NAV3: variants seen among roughly 807,000 people sequenced by gnomAD.
NAV3 encodes pore membrane and/or filament interacting like protein 1.
A neutral mutation model predicts 244.7 loss-of-function variants in NAV3; 87 were observed. That is an observed-to-expected ratio of 0.36 (90% CI 0.30 to 0.42). The LOEUF is 0.42. Among genes scored for constraint, NAV3 ranks in the 20% least tolerant of loss-of-function variants. The pLI is 1.00. For missense variants in NAV3, 2,663 were observed against 2,893.3 expected, an observed-to-expected ratio of 0.92 and a Z score of 1.83; for synonymous variants, 1,126 against 1,042.2, an observed-to-expected ratio of 1.08 and a Z score of -1.55.
At chr12:77,848,937 G>A (rs2136228448) in intron 1 of NAV3, among the ~76,000 whole-genome samples, 1 of 152,202 alleles carries the variant, frequency 6.6e-6, no homozygotes, top group African/African-American at 2.4e-5. Flanking sequence ...AGAGATATGT[G>A]CTGTGTTTAC....
intron 5 of NAV3, among the ~76,000 whole-genome samples, chr12:77,979,480 C>A (rs1184737431): frequency 1.3e-5 from 2 of 151,880 alleles, no homozygotes; most frequent in African/African-American, 2.4e-5. Flanking sequence ...GTAGCCAAGT[C>A]TACATGGAAA....
intron 1 of NAV3, among the ~76,000 whole-genome samples, chr12:77,869,278 C>T (rs1051700905): frequency 1.3e-5 from 2 of 152,038 alleles, no homozygotes; most frequent in Non-Finnish European, 2.9e-5. Flanking sequence ...ATAAAGTTCT[C>T]GAGAGATAGT....
chr12:78,160,452 T>A (rs1434459160), intron 23 of NAV3, among the ~76,000 whole-genome samples: 1 of 149,834 alleles, frequency 6.7e-6, no homozygotes, highest in Non-Finnish European at 1.5e-5. Flanking sequence ...GCATAAATGA[T>A]CAGGTGTCCA....
chr12:77,649,762 T>G (rs187965059), intron 2 of NAV3, among the ~76,000 whole-genome samples: 1 of 152,314 alleles, frequency 6.6e-6, no homozygotes, highest in East Asian at 1.9e-4. Flanking sequence ...ATATTTTTTA[T>G]GACAAAAGAT....
At chr12:77,804,994 G>A (rs574345753) in intron 2 of NAV3, among the ~76,000 whole-genome samples, 66 of 152,238 alleles carry the variant, frequency 4.3e-4, no homozygotes, top group African/African-American at 1.4e-3. Context: ...GTATAGAAAC[G>A]CTTCTGATTT....
At chr12:77,904,242 G>C (rs933592860) in intron 1 of NAV3, among the ~76,000 whole-genome samples, 2 of 152,110 alleles carry the variant, frequency 1.3e-5, no homozygotes, top group East Asian at 1.9e-4. Context: ...TTGGAACCAA[G>C]CCAAATGTCC....
chr12:77,869,162 G>T (rs1880561954), intron 1 of NAV3, among the ~76,000 whole-genome samples: 1 of 152,140 alleles, frequency 6.6e-6, no homozygotes, highest in South Asian at 2.1e-4. Context: ...TATAGGCAGG[G>T]CTGATTCAGT....
intron 1 of NAV3, among the ~76,000 whole-genome samples, chr12:77,904,345 G>C (rs1449509536): frequency 2.0e-5 from 3 of 152,022 alleles, no homozygotes; most frequent in Non-Finnish European, 4.4e-5. Flanking sequence ...TCCTTTGTAG[G>C]GACATGGATG....
chr12:78,061,070 C>CCAG lies in NAV3; in HGVS notation c.2636+1975_2636+1977dup, dbSNP rs575608692. On this transcript the variant is annotated intron_variant, in intron 12 of 39. Coordinates refer to ENST00000397909, the MANE Select transcript of NAV3 (RefSeq NM_001024383.2). ...TGCCTCTTAAAGTGTGGTACCTGGA[C>CCAG]CAGCAGCAGCAGCAGCAGCAGCCAT... 3.6e-3 allele frequency among the ~76,000 whole-genome samples: 550 copies of CCAG among 151,880 alleles called. 4 individuals carry two copies. The highest frequency in any genetic ancestry group is 0.012 in the African/African-American group (516 of 41,484).
At chr12:77,689,096 A>G (rs763246905) in intron 2 of NAV3, among the ~76,000 whole-genome samples, 5 of 151,940 alleles carry the variant, frequency 3.3e-5, no homozygotes, top group Non-Finnish European at 7.4e-5. Flanking sequence ...GATTTTATCA[A>G]TAGGACCAAA....
chr12:77,861,875 T>C (rs1230850169), intron 1 of NAV3, among the ~76,000 whole-genome samples: 1 of 151,888 alleles, frequency 6.6e-6, no homozygotes, highest in Non-Finnish European at 1.5e-5. Flanking sequence ...GAATAGTCCC[T>C]ACTCCGCAAT....
chr12:77,811,119 C>G (rs964862640), intron 2 of NAV3, among the ~76,000 whole-genome samples: 1 of 152,144 alleles, frequency 6.6e-6, no homozygotes, highest in Non-Finnish European at 1.5e-5. Flanking sequence ...TACTAAAATA[C>G]AAATTCTAAA....
rs139822029 is a variant in NAV3 at position 77,684,846 on chromosome 12, T to C, written c.72+112580T>C. ...AAATTTTTGCATATGGCCTGAGGTATAAATCATGGTTCCGTTTTTTTCCAT... is the reference window on the plus strand; with the variant it reads ...AAATTTTTGCATATGGCCTGAGGTACAAATCATGGTTCCGTTTTTTTCCAT... On this transcript the variant is annotated intron_variant, in intron 2 of 8. Coordinates refer to the NAV3 transcript ENST00000550042. Among the ~76,000 whole-genome samples, 1,005 of 152,298 alleles carry C rather than the reference T, an allele frequency of 6.6e-3. 6 individuals are homozygous for C. The highest frequency in any genetic ancestry group is 0.015 in the Admixed American group (223 of 15,294).
At chr12:78,175,227 T>C (rs2139644040) in intron 24 of NAV3, 79 bp from the exon 25 acceptor site, 2 of 1,513,120 alleles carry the variant, frequency 1.3e-6, no homozygotes, top group Non-Finnish European at 1.8e-6. Flanking sequence ...GAGAACTGCC[T>C]CTCAAAAGAC....
At chr12:78,126,992 G>A (rs890103685) in intron 16 of NAV3, among the ~76,000 whole-genome samples, 175 bp from the exon 17 acceptor site, 1 of 152,160 alleles carries the variant, frequency 6.6e-6, no homozygotes, top group African/African-American at 2.4e-5. Flanking sequence ...ACTCAAATAT[G>A]TGTGACGGCA....
At chr12:77,887,314 G>C (rs1169739006) in intron 1 of NAV3, among the ~76,000 whole-genome samples, 1 of 152,024 alleles carries the variant, frequency 6.6e-6, no homozygotes, top group African/African-American at 2.4e-5. Flanking sequence ...AACTATATAG[G>C]GTTGAATCCT....
chr12:77,705,673 T>C (rs982200370), intron 2 of NAV3, among the ~76,000 whole-genome samples: 1 of 151,390 alleles, frequency 6.6e-6, no homozygotes, highest in African/African-American at 2.5e-5. Context: ...CTGGATTGTT[T>C]GTTCCCCCGG....
At chr12:77,716,870 A>C (rs1018494420) in intron 2 of NAV3, among the ~76,000 whole-genome samples, 1 of 152,076 alleles carries the variant, frequency 6.6e-6, no homozygotes, top group African/African-American at 2.4e-5. Context: ...GCATGAAGCA[A>C]AAGCTGTCTG....
intron 5 of NAV3, among the ~76,000 whole-genome samples, chr12:77,982,872 C>T (rs1328791713): frequency 5.3e-5 from 8 of 152,150 alleles, no homozygotes; most frequent in East Asian, 1.9e-4. Context: ...GAAATTCACA[C>T]GGCCACTCCA....
Sources: gnomAD v4.1 joint callset for allele counts (sites outside exome capture counted in the v4.1 genomes callset) on GRCh38, gnomAD v4.1.1 for gene constraint, MANE v1.5 for transcripts, NCBI Gene and HGNC (gene_info 2026-07-23, HGNC 2026-07-21) for gene names.